KLHL5: variants seen among roughly 807,000 people sequenced by gnomAD.
The protein encoded by KLHL5 is kelch-like protein 5.
KLHL5 carries 48 observed loss-of-function variants against 77.7 expected under a neutral mutation model. The ratio of observed to expected loss-of-function variants is 0.62; its 90% confidence interval spans 0.49 to 0.79. KLHL5 has a LOEUF of 0.79. KLHL5 is among the 30% of genes least tolerant of loss of function. The pLI, the probability that KLHL5 is intolerant of heterozygous loss-of-function variation, is 0.00. For synonymous variants in KLHL5, 260 were observed against 297.0 expected (o/e 0.88, Z 1.28); for missense variants, 723 against 859.7 (o/e 0.84, Z 1.99).
At chr4:39,103,225 T>C in intron 6 of KLHL5, 62 bp from the exon 7 acceptor site, 1 of 1,174,116 alleles carries the variant, frequency 8.5e-7, no homozygotes. Flanking sequence ...ATCTGTAATT[T>C]CATAAAATTA....
intron 6 of KLHL5, among the ~76,000 whole-genome samples, chr4:39,101,859 A>T (rs546776424): frequency 0.037 from 3,819 of 104,574 alleles, 76 homozygotes; most frequent in African/African-American, 0.061. Context: ...AAAAAAAAAA[A>T]ATATATATAT....
At chr4:39,055,615 TA>T (rs1191767671) in intron 1 of KLHL5, among the ~76,000 whole-genome samples, 7 of 152,226 alleles carry the variant, frequency 4.6e-5, no homozygotes, top group African/African-American at 1.7e-4. Context: ...TTATTATTTT[TA>T]TGATTATTGA....
At chr4:39,106,905 TTA>T (rs1722076007) in intron 7 of KLHL5, among the ~76,000 whole-genome samples, 1 of 96,826 alleles carries the variant, frequency 1.0e-5, no homozygotes, top group African/African-American at 3.2e-5. Context: ...GCCTGGCTAA[TTA>T]AAAAAAAAAA....
At chr4:39,045,001 A>G (rs1248663863), upstream of KLHL5, 2 of 990,858 alleles carry the variant, frequency 2.0e-6, no homozygotes, top group African/African-American at 1.8e-5. Flanking sequence ...CGAGCATCCC[A>G]CTCAGCTCGC....
chr4:39,069,467 TATATATACACACAC>T (rs1181052536), intron 1 of KLHL5, among the ~76,000 whole-genome samples: 2 of 63,482 alleles, frequency 3.2e-5, no homozygotes, highest in Non-Finnish European at 3.5e-5. Context: ...TATATATATA[TATATATACACACAC>T]ACACACACAC....
chr4:39,116,003 T>G, intron 10 of KLHL5: 9 of 985,724 alleles, frequency 9.1e-6, no homozygotes, highest in Non-Finnish European at 1.1e-5. Flanking sequence ...AAGATTTTCT[T>G]GTATACAAGG....
chr4:39,052,912 C>G (rs764527449), intron 1 of KLHL5, among the ~76,000 whole-genome samples: 4 of 152,188 alleles, frequency 2.6e-5, no homozygotes, highest in African/African-American at 4.8e-5. Flanking sequence ...TGGATTTAAT[C>G]TAATGCATGA....
chr4:39,062,421 T>C lies in KLHL5; in HGVS notation c.-232T>C, dbSNP rs987107751. ...TAGGTGGATGAGAGTTTGCTCTGAT[T>C]GAACGGAATGTTCCACCGTGTTTCA... is the stretch of plus-strand genomic sequence containing the variant. On this transcript the variant is annotated 5_prime_UTR_variant, in exon 1 of 11. The change abolishes the stop of an existing upstream ORF in the 5' untranslated region. Transcript: ENST00000504108. The C allele has an allele frequency of 1.3e-6, 2 of 1,494,824 alleles. No homozygotes were observed. The highest frequency in any genetic ancestry group is 1.4e-5 in the African/African-American group (1 of 70,796). 92.6% of individuals were successfully genotyped at this position (1,494,824 alleles called of 1,614,324 possible). A position where few individuals can be genotyped will look rare whatever the true frequency, so the allele number is the denominator to read the frequency against.
At chr4:39,126,621 C>A, downstream of KLHL5, 2 of 413,686 alleles carry the variant, frequency 4.8e-6, no homozygotes, top group South Asian at 1.8e-5. Context: ...TGCCCTGGAT[C>A]TTTGCCCAGG....
At chr4:39,106,873 A>G (rs6842561) in intron 7 of KLHL5, among the ~76,000 whole-genome samples, 76,685 of 150,426 alleles carry the variant, frequency 0.51, 19,612 homozygotes, top group Admixed American at 0.57. Context: ...ACCTTGGCTA[A>G]GACTATAGGT....
chr4:39,081,345 G>A lies in KLHL5; in HGVS notation c.703+106G>A, dbSNP rs754708445. 1.3e-4 allele frequency: 119 copies of A among 916,910 alleles called. No individual in the cohort carries two copies. The highest frequency in any genetic ancestry group is 1.8e-4 in the Non-Finnish European group (114 of 631,864). 56.8% of individuals were successfully genotyped at this position (916,910 alleles called of 1,614,324 possible). ...CATGCCATAGCTAACAGTTAGTTCTGCTATTGTCATTACTACCCTTTGTAT... is the reference window on the plus strand; with the variant it reads ...CATGCCATAGCTAACAGTTAGTTCTACTATTGTCATTACTACCCTTTGTAT... On this transcript the variant is annotated intron_variant, in intron 3 of 10. Transcript: ENST00000504108. The surrounding 1 kb of genome is among the most constrained non-coding windows in gnomAD (Gnocchi z 4.3).
intron 1 of KLHL5, among the ~76,000 whole-genome samples, chr4:39,065,786 G>A (rs1041899126): frequency 1.3e-5 from 2 of 151,894 alleles, no homozygotes; most frequent in Non-Finnish European, 2.9e-5. Context: ...TAGACATAAT[G>A]AAGAAATGCA....
intron 1 of KLHL5, among the ~76,000 whole-genome samples, chr4:39,065,953 C>T (rs1717860851): frequency 6.6e-6 from 1 of 152,132 alleles, no homozygotes; most frequent in African/African-American, 2.4e-5. Context: ...CAGTTTAAAG[C>T]AGGAATTAAG....
downstream of KLHL5, chr4:39,126,544 T>A (rs1421569800): frequency 2.9e-6 from 1 of 348,258 alleles, no homozygotes; most frequent in Admixed American, 3.9e-5. Context: ...TAGTCCTGGG[T>A]AATTATTTGG....
chr4:39,052,960 T>G (rs1427780697), intron 1 of KLHL5, among the ~76,000 whole-genome samples: 1 of 152,238 alleles, frequency 6.6e-6, no homozygotes, highest in Admixed American at 6.5e-5. Flanking sequence ...TGATCTCCAC[T>G]AATCTCCATT....
chr4:39,086,786 A>G lies in KLHL5; in HGVS notation c.1113+59A>G, dbSNP rs544833164. The G allele has an allele frequency of 8.9e-5, 112 of 1,258,570 alleles. No individual in the cohort carries two copies. In the African/African-American group the frequency reaches 1.5e-3, roughly 16 times the overall value. 78.0% of individuals were successfully genotyped at this position (1,258,570 alleles called of 1,614,324 possible). A position where few individuals can be genotyped will look rare whatever the true frequency, so the allele number is the denominator to read the frequency against. ...CTTTGCCTATTCTATCAAAGAAAAT[A>G]ATTGTACATGTATTCCTATGAAACG... On this transcript the variant is annotated intron_variant, in intron 5 of 10. Coordinates refer to ENST00000504108, the MANE Select transcript of KLHL5 (RefSeq NM_015990.5).
chr4:39,109,301 ATTTC>A (rs1258842998), intron 8 of KLHL5, among the ~76,000 whole-genome samples: 1 of 151,782 alleles, frequency 6.6e-6, no homozygotes, highest in African/African-American at 2.4e-5. Context: ...TTACTTATTT[ATTTC>A]TTTATTTTGA....
At chr4:39,064,246 T>C (rs141357974) in intron 1 of KLHL5, among the ~76,000 whole-genome samples, 1 of 150,568 alleles carries the variant, frequency 6.6e-6, no homozygotes, top group African/African-American at 2.4e-5. Context: ...GGAATATCTG[T>C]ATGTAGGTAA....
At position 39,126,197 on chromosome 4, in the gene KLHL5, CAAAT is replaced by C. The variant is rs879108827; in HGVS notation, c.*5133_*5136del. ...ATTATTGATAACTCTTACACAAAAA[CAAAT>C]ATTCAATAAAATGATATTTAATTTC... On this transcript the variant is annotated 3_prime_UTR_variant, in exon 11 of 11. Coordinates refer to ENST00000504108, the MANE Select transcript of KLHL5 (RefSeq NM_015990.5). Among the ~76,000 whole-genome samples, 1 of 152,022 alleles carries C rather than the reference CAAAT, an allele frequency of 6.6e-6. No homozygotes were observed. The highest frequency in any genetic ancestry group is 1.9e-4 in the East Asian group (1 of 5,198).
Sources: allele counts gnomAD v4.1 joint callset (sites outside exome capture counted in the v4.1 genomes callset), GRCh38; gene constraint gnomAD v4.1.1; non-coding constraint Gnocchi (gnomAD v3.1); transcripts MANE v1.5; gene names NCBI Gene and HGNC (gene_info 2026-07-23, HGNC 2026-07-21).